FGGY: variants seen among roughly 807,000 people sequenced by gnomAD.
FGGY encodes the protein FGGY carbohydrate kinase domain-containing protein.
Under a neutral mutation model 71.3 loss-of-function variants are expected in FGGY, and 72 were observed. The observed-to-expected ratio is 1.01, with a 90% CI of 0.84 to 1.23. The LOEUF is 1.23. Among genes scored for constraint, FGGY ranks in the 50% most tolerant of loss-of-function variants. FGGY has a pLI of 0.00. For synonymous variants in FGGY, 251 were observed against 250.3 expected (o/e 1.00, Z -0.02); for missense variants, 668 against 682.3 (o/e 0.98, Z 0.23).
chr1:59,448,624 C>G (rs1031930758), intron 5 of FGGY, among the ~76,000 whole-genome samples: 2 of 152,126 alleles, frequency 1.3e-5, no homozygotes, highest in African/African-American at 4.8e-5. Flanking sequence ...TAACTGAGAT[C>G]TGAAGGTTTT....
In FGGY at chr1:59,378,787, C is replaced by G. The variant is rs146728237; in HGVS notation, c.504C>G (p.Phe168Leu). ...REICWDKAGH[F>L]FDLPDFLSWK... Reference sequence around the variant, plus strand: ...TTTGCTGGGATAAGGCGGGACATTTCTTTGATCTCCCGGACTTCTTATCGT... The same window carrying G: ...TTTGCTGGGATAAGGCGGGACATTTGTTTGATCTCCCGGACTTCTTATCGT... The change falls in exon 5 of 16, where the codon TTC becomes TTG. Residue 168 changes from phenylalanine (F) to leucine (L), a missense_variant. Coordinates refer to ENST00000303721, the MANE Select transcript of FGGY (RefSeq NM_018291.5). 6.1e-5 allele frequency: 99 copies of G among 1,613,560 alleles called. 1 individual carries two copies. In the African/African-American group the frequency reaches 1.2e-3, roughly 20 times the overall value.
chr1:59,439,759 C>T (rs2069317810), intron 5 of FGGY, among the ~76,000 whole-genome samples: 2 of 152,134 alleles, frequency 1.3e-5, no homozygotes, highest in Non-Finnish European at 2.9e-5. Context: ...CTTCTCTTCC[C>T]TAGGCATAAT....
At chr1:59,548,810 C>T (rs1355180781) in intron 7 of FGGY, among the ~76,000 whole-genome samples, 1 of 152,156 alleles carries the variant, frequency 6.6e-6, no homozygotes, top group Non-Finnish European at 1.5e-5. Context: ...TTTCCATCAT[C>T]ACAGAATGCT....
Position 59,485,472 on chromosome 1 carries a change from G to A in FGGY, c.671-26839G>A, listed in dbSNP as rs1427020098. Reference sequence around the variant, plus strand: ...GTGACTTTGGATAAGGGGGACAGACGCCATACTCCAGGGATGGCAGAACAG... The same window carrying A: ...GTGACTTTGGATAAGGGGGACAGACACCATACTCCAGGGATGGCAGAACAG... On this transcript the variant is annotated intron_variant, in intron 6 of 15. Transcript: ENST00000303721. 2.0e-5 allele frequency among the ~76,000 whole-genome samples: 3 copies of A among 152,168 alleles called. No homozygotes were observed. In the East Asian group the frequency reaches 5.8e-4, roughly 29 times the overall value.
intron 6 of FGGY, among the ~76,000 whole-genome samples, chr1:59,466,503 A>G (rs868116826): frequency 2.8e-4 from 42 of 152,362 alleles, no homozygotes; most frequent in South Asian, 2.3e-3. Flanking sequence ...AAATTGACAA[A>G]TGGGATCTCA....
At position 59,621,505 on chromosome 1, in the gene FGGY, G is replaced by A. The variant is rs1472019529; in HGVS notation, c.1012-4483G>A. On this transcript the variant is annotated intron_variant, in intron 9 of 15. Transcript: ENST00000303721. ...AGAACTTGTCTTAGCATGTCTTACA[G>A]TGCAGGTCAACTGGCAAAAGACATT... Among the ~76,000 whole-genome samples, 3 of 141,456 alleles carry A rather than the reference G, an allele frequency of 2.1e-5. No homozygotes were observed. The East Asian group carries it at 6.3e-4, about 30-fold the overall frequency. The allele number at this position is 141,456 out of a possible 152,430, so 92.8% of individuals were successfully genotyped here.
At chr1:59,664,702 A>G (rs1378841447) in intron 12 of FGGY, among the ~76,000 whole-genome samples, 1 of 152,240 alleles carries the variant, frequency 6.6e-6, no homozygotes. Context: ...ATTAAAGTGC[A>G]TAGCAGAGTG....
chr1:59,590,108 C>A (rs886994467), intron 8 of FGGY, among the ~76,000 whole-genome samples: 1 of 152,122 alleles, frequency 6.6e-6, no homozygotes, highest in African/African-American at 2.4e-5. Flanking sequence ...AAGGGAATAT[C>A]ACCACTGACC....
chr1:59,473,340 A>T (rs1211744896), intron 6 of FGGY, among the ~76,000 whole-genome samples: 1 of 152,128 alleles, frequency 6.6e-6, no homozygotes, highest in Non-Finnish European at 1.5e-5. Flanking sequence ...GAGACCACGA[A>T]CCCACCAGAA....
chr1:59,503,574 A>C (rs2094292217), intron 6 of FGGY, among the ~76,000 whole-genome samples: 2 of 137,522 alleles, frequency 1.5e-5, no homozygotes, highest in South Asian at 4.4e-4. Context: ...AGGTATACGC[A>C]TTGGCTTTTG....
At chr1:59,555,147 T>C (rs962210341) in intron 8 of FGGY, among the ~76,000 whole-genome samples, 1 of 152,174 alleles carries the variant, frequency 6.6e-6, no homozygotes. Flanking sequence ...TGCTAAACTG[T>C]GGATATAAGA....
At chr1:59,404,623 G>C (rs1158722910) in intron 5 of FGGY, among the ~76,000 whole-genome samples, 1 of 152,178 alleles carries the variant, frequency 6.6e-6, no homozygotes, top group Non-Finnish European at 1.5e-5. Flanking sequence ...GCAGCAGGGG[G>C]CTGAGGCTGG....
intron 5 of FGGY, among the ~76,000 whole-genome samples, chr1:59,410,033 C>T (rs1218239327): frequency 6.6e-6 from 1 of 152,162 alleles, no homozygotes; most frequent in East Asian, 1.9e-4. Context: ...GAACTTATGC[C>T]ATGCCCACTA....
At chr1:59,466,837 A>G (rs997480917) in intron 6 of FGGY, among the ~76,000 whole-genome samples, 2 of 152,214 alleles carry the variant, frequency 1.3e-5, no homozygotes, top group Non-Finnish European at 2.9e-5. Context: ...AATGGTGATC[A>G]TTAAACAGGA....
chr1:59,737,094 A>G (rs1043647556), intron 14 of FGGY, among the ~76,000 whole-genome samples: 6 of 152,250 alleles, frequency 3.9e-5, no homozygotes, highest in African/African-American at 1.4e-4. Flanking sequence ...GGCAGCTTCC[A>G]CATGATGTTG....
intron 6 of FGGY, among the ~76,000 whole-genome samples, chr1:59,462,021 C>T (rs2092275499): frequency 6.6e-6 from 1 of 151,414 alleles, no homozygotes; most frequent in Non-Finnish European, 1.5e-5. Flanking sequence ...GTTCCCCTTC[C>T]TGTGTCCATG....
intron 7 of FGGY, among the ~76,000 whole-genome samples, chr1:59,521,457 T>C (rs184604224): frequency 6.6e-6 from 1 of 152,280 alleles, no homozygotes; most frequent in East Asian, 1.9e-4. Flanking sequence ...CCTGGTGCTA[T>C]TGCCAGCTCC....
At chr1:59,330,132 T>C (rs2048187917) in intron 2 of FGGY, among the ~76,000 whole-genome samples, 1 of 152,226 alleles carries the variant, frequency 6.6e-6, no homozygotes, top group African/African-American at 2.4e-5. Flanking sequence ...AAAATCATTC[T>C]ATAAATCAAG....
intron 14 of FGGY, among the ~76,000 whole-genome samples, chr1:59,721,041 C>G (rs754182976): frequency 4.6e-5 from 7 of 152,148 alleles, no homozygotes; most frequent in Non-Finnish European, 8.8e-5. Flanking sequence ...ATTGTTCACT[C>G]CCTCATTCCC....
Sources: gnomAD v4.1 joint callset for allele counts (sites outside exome capture counted in the v4.1 genomes callset) on GRCh38, gnomAD v4.1.1 for gene constraint, MANE v1.5 for transcripts, NCBI Gene and HGNC (gene_info 2026-07-23, HGNC 2026-07-21) for gene names.